The following TENM2 variants were observed in gnomAD, a reference collection of about 807,000 sequenced individuals.
TENM2 encodes teneurin-2.
A neutral mutation model predicts 245.2 loss-of-function variants in TENM2; 52 were observed. That is an observed-to-expected ratio of 0.21 (90% CI 0.17 to 0.27). The LOEUF is 0.27. Ranked by LOEUF, TENM2 falls within the 10% of genes least tolerant of loss-of-function variation. The pLI, the probability that TENM2 is intolerant of heterozygous loss-of-function variation, is 1.00. For missense variants in TENM2, 3,046 were observed against 3,666.8 expected (o/e 0.83, Z 4.37); for synonymous variants, 1,363 against 1,438.9 (o/e 0.95, Z 1.19).
chr5:167,324,366 T>G (rs1756955926), intron 1 of TENM2, among the ~76,000 whole-genome samples: 1 of 152,218 alleles, frequency 6.6e-6, no homozygotes, highest in Admixed American at 6.5e-5. Context: ...TCACAATTTG[T>G]ATTCCTCAGA....
intron 2 of TENM2, among the ~76,000 whole-genome samples, chr5:167,726,278 T>C (rs73801362): frequency 4.4e-5 from 4 of 90,454 alleles, no homozygotes; most frequent in East Asian, 5.3e-4. Flanking sequence ...AGTTTGGTCC[T>C]ACCTGTGGAA....
chr5:167,981,015 G>T (rs1048940699), intron 4 of TENM2, among the ~76,000 whole-genome samples: 1 of 152,190 alleles, frequency 6.6e-6, no homozygotes, highest in African/African-American at 2.4e-5. Flanking sequence ...TTGGCCTTCA[G>T]CAGAAGAGAT....
At chr5:167,766,231 TG>T (rs1352681718) in intron 2 of TENM2, among the ~76,000 whole-genome samples, 3 of 152,098 alleles carry the variant, frequency 2.0e-5, no homozygotes, top group African/African-American at 7.2e-5. Flanking sequence ...AGAGCTTTCA[TG>T]GCAAAGGAAT....
chr5:168,219,048 C>G, intron 23 of TENM2, 49 bp downstream of exon 25: 1 of 1,566,498 alleles, frequency 6.4e-7, no homozygotes, highest in South Asian at 1.2e-5. Context: ...CTTGCCCTAG[C>G]TGGCATTAGG....
the TENM2 span, among the ~76,000 whole-genome samples, chr5:167,028,189 A>G: frequency 2.0e-5 from 3 of 152,082 alleles, no homozygotes; most frequent in African/African-American, 7.2e-5. Context: ...AAAGGGCAAT[A>G]TAATTTTTTA....
chr5:167,432,181 G>A (rs1764294947), intron 2 of TENM2, among the ~76,000 whole-genome samples: 1 of 151,468 alleles, frequency 6.6e-6, no homozygotes, highest in African/African-American at 2.4e-5. Flanking sequence ...GGAAAGCACA[G>A]TGAGTGGTTT....
chr5:167,806,524 C>G (rs1159187146), intron 2 of TENM2, among the ~76,000 whole-genome samples: 4 of 152,082 alleles, frequency 2.6e-5, no homozygotes, highest in Non-Finnish European at 5.9e-5. Context: ...TCCCTATTGC[C>G]TTTCACTACG....
chr5:167,134,266 T>G, the TENM2 span, among the ~76,000 whole-genome samples: 1 of 152,240 alleles, frequency 6.6e-6, no homozygotes, highest in South Asian at 2.1e-4. Context: ...TGTCAGTTGA[T>G]GTGGTCAAAG....
At chr5:167,593,354 CT>C (rs1561582158) in intron 2 of TENM2, among the ~76,000 whole-genome samples, 1 of 152,212 alleles carries the variant, frequency 6.6e-6, no homozygotes, top group Non-Finnish European at 1.5e-5. Context: ...CTTGGAAAAG[CT>C]TTCCATGTTC....
chr5:167,529,914 T>C (rs1008006363), intron 2 of TENM2, among the ~76,000 whole-genome samples: 20 of 152,188 alleles, frequency 1.3e-4, no homozygotes, highest in African/African-American at 4.8e-4. Flanking sequence ...GAATGGCTAC[T>C]CTTCCAAAAT....
intron 17 of TENM2, among the ~76,000 whole-genome samples, chr5:168,201,841 A>G (rs1409597790): frequency 2.7e-5 from 4 of 148,870 alleles, no homozygotes; most frequent in African/African-American, 1.0e-4. Context: ...ACAATTTCCC[A>G]TATAGCGTGG....
At chr5:167,950,266 C>T (rs192016045) in intron 3 of TENM2, among the ~76,000 whole-genome samples, 2 of 152,322 alleles carry the variant, frequency 1.3e-5, no homozygotes, top group South Asian at 2.1e-4. Flanking sequence ...TGTCAGCACA[C>T]AAGCAACCGC....
chr5:167,902,161 A>G (rs1358689923), intron 3 of TENM2, among the ~76,000 whole-genome samples: 2 of 152,012 alleles, frequency 1.3e-5, no homozygotes, highest in Admixed American at 6.6e-5. Context: ...TGTGCATGAG[A>G]GTGGAGTGGG....
chr5:167,920,893 C>T (rs1467649734), intron 3 of TENM2, among the ~76,000 whole-genome samples: 1 of 152,112 alleles, frequency 6.6e-6, no homozygotes, highest in Non-Finnish European at 1.5e-5. Flanking sequence ...CATATTTTTC[C>T]CATTCTAGGG....
intron 2 of TENM2, among the ~76,000 whole-genome samples, chr5:167,421,930 T>C (rs1308807169): frequency 6.6e-6 from 1 of 152,074 alleles, no homozygotes; most frequent in Non-Finnish European, 1.5e-5. Flanking sequence ...TAGCTGGAAT[T>C]ACAGGTGTCT....
intron 1 of TENM2, among the ~76,000 whole-genome samples, chr5:167,353,521 T>TG (rs1759092109): frequency 7.4e-6 from 1 of 135,838 alleles, no homozygotes; most frequent in Non-Finnish European, 1.6e-5. Flanking sequence ...TTTTTTTTTT[T>TG]TTTTGAGACG....
At chr5:167,694,408 C>T (rs1321975794) in intron 2 of TENM2, among the ~76,000 whole-genome samples, 2 of 152,038 alleles carry the variant, frequency 1.3e-5, no homozygotes, top group African/African-American at 4.8e-5. Flanking sequence ...AATAGCAGAG[C>T]ATCCCTTAAA....
intron 2 of TENM2, among the ~76,000 whole-genome samples, chr5:167,843,757 T>A (rs1769767773): frequency 6.6e-6 from 1 of 152,192 alleles, no homozygotes; most frequent in African/African-American, 2.4e-5. Context: ...AATATAATAA[T>A]AATGATGATA....
rs553184755 is a variant in TENM2, at chr5:168,018,323, C to T, written c.1186+25141C>T. Among the ~76,000 whole-genome samples the T allele has an allele frequency of 4.6e-5, 7 of 151,062 alleles. No individual in the cohort carries two copies. The East Asian group carries it at 7.8e-4, about 17-fold the overall frequency. ...GATAATTTGTGAATAGAAATTACTT[C>T]CAAATGTTTCAAAAATATTTTCTAA... On this transcript the variant is annotated intron_variant, in intron 5 of 28. Coordinates refer to ENST00000518659, the Ensembl canonical transcript of TENM2.
Sources: allele counts gnomAD v4.1 joint callset (sites outside exome capture counted in the v4.1 genomes callset), GRCh38; gene constraint gnomAD v4.1.1; transcripts MANE v1.5; gene names NCBI Gene and HGNC (gene_info 2026-07-23, HGNC 2026-07-21).